SDCCAG8: variants seen among roughly 807,000 people sequenced by gnomAD.
SDCCAG8 encodes the protein SHH signaling and ciliogenesis regulator SDCCAG8, also known as serologically defined colon cancer antigen 8.
In SDCCAG8, 74 loss-of-function variants were observed where a neutral mutation model predicts 101.8. The observed-to-expected ratio is 0.73, with a 90% CI of 0.60 to 0.88. The LOEUF (loss-of-function observed/expected upper bound fraction) is 0.88, where lower values mean the gene tolerates loss of function less well. Among genes scored for constraint, SDCCAG8 ranks in the 40% least tolerant of loss-of-function variants. SDCCAG8 has a pLI of 0.00. For synonymous variants in SDCCAG8, 281 were observed against 292.9 expected, an observed-to-expected ratio of 0.96 and a Z score of 0.41; for missense variants, 787 against 822.6, an observed-to-expected ratio of 0.96 and a Z score of 0.53.
In SDCCAG8 at chr1:243,458,804, G is replaced by GC. The variant is rs1658387015; in HGVS notation, c.1986-30210_1986-30209insC. On this transcript the variant is annotated intron_variant, in intron 16 of 17. Coordinates refer to ENST00000366541, the MANE Select transcript of SDCCAG8 (RefSeq NM_006642.5). This position sits in a 1 kb window ranked among gnomAD's most constrained non-coding sequence, Gnocchi z 4.5. ...TATGGCATTGTTTTATATTCCCATT[G>GC]TCAGTGATCTCTAAACGGCATTCCT... 1.3e-5 allele frequency among the ~76,000 whole-genome samples: 2 copies of GC among 152,186 alleles called. No homozygotes were observed. The highest frequency in any genetic ancestry group is 1.3e-4 in the Admixed American group (2 of 15,284).
intron 8 of SDCCAG8, among the ~76,000 whole-genome samples, chr1:243,312,136 A>C (rs963482325): frequency 6.6e-6 from 1 of 152,198 alleles, no homozygotes. Flanking sequence ...AACTTAACTA[A>C]TGCAGAGTGC....
chr1:243,398,096 T>A (rs2079138484), intron 13 of SDCCAG8, among the ~76,000 whole-genome samples: 1 of 152,134 alleles, frequency 6.6e-6, no homozygotes, highest in Non-Finnish European at 1.5e-5. Context: ...GTTTTAAAGA[T>A]CTCGTAAATA....
intron 9 of SDCCAG8, among the ~76,000 whole-genome samples, chr1:243,317,513 GT>G (rs943481534): frequency 2.6e-5 from 4 of 152,042 alleles, no homozygotes; most frequent in South Asian, 4.1e-4. Flanking sequence ...CAGAGATGGT[GT>G]TTCACCATGT....
chr1:243,382,804 C>T lies in SDCCAG8; in HGVS notation c.1616+3941C>T, dbSNP rs548528686. 2.9e-4 allele frequency among the ~76,000 whole-genome samples: 44 copies of T among 152,162 alleles called. No individual in the cohort carries two copies. The South Asian group carries it at 8.5e-3, about 29-fold the overall frequency. ...ATGAAGCCCTTGGCTGTGGCTGTCC[C>T]GTGAAGTGGAAAGGAAGTAGTATCT... On this transcript the variant is annotated intron_variant, in intron 13 of 17. Coordinates refer to ENST00000366541, the MANE Select transcript of SDCCAG8 (RefSeq NM_006642.5).
chr1:243,417,464 C>G (rs576239823), intron 14 of SDCCAG8, among the ~76,000 whole-genome samples: 1 of 152,024 alleles, frequency 6.6e-6, no homozygotes, highest in Non-Finnish European at 1.5e-5. Flanking sequence ...ACATTTTTAC[C>G]TTCATAATTA....
intron 12 of SDCCAG8, among the ~76,000 whole-genome samples, chr1:243,351,161 G>A (rs1573495326): frequency 6.6e-6 from 1 of 152,200 alleles, no homozygotes; most frequent in African/African-American, 2.4e-5. Context: ...ATGACTGGGA[G>A]AGGGGCCATT....
At chr1:243,389,594 T>A (rs891814449) in intron 13 of SDCCAG8, among the ~76,000 whole-genome samples, 11 of 152,230 alleles carry the variant, frequency 7.2e-5, no homozygotes, top group African/African-American at 2.4e-4. Flanking sequence ...GAGTATCTTT[T>A]AAATTTTTTT....
chr1:243,343,998 A>G lies in SDCCAG8; in HGVS notation c.1357-217A>G, dbSNP rs78474160. ...ACTTAAATTCCTTAGTTATGCATTT[A>G]TTTATCTGTAATTTCAAGTTGTTAG... On this transcript the variant is annotated intron_variant, in intron 11 of 17. Transcript: ENST00000366541. 8.4e-4 allele frequency among the ~76,000 whole-genome samples: 128 copies of G among 152,306 alleles called. 2 individuals are homozygous for G. In the East Asian group the frequency reaches 0.023, roughly 27 times the overall value.
chr1:243,309,864 TG>T (rs2072540688), intron 8 of SDCCAG8, among the ~76,000 whole-genome samples: 1 of 139,888 alleles, frequency 7.1e-6, no homozygotes, highest in Non-Finnish European at 1.6e-5. Context: ...TATGTTTGTT[TG>T]TTTTGTTTTT....
chr1:243,394,985 C>CT (rs1340104037), intron 13 of SDCCAG8, among the ~76,000 whole-genome samples: 2 of 152,148 alleles, frequency 1.3e-5, no homozygotes, highest in Non-Finnish European at 2.9e-5. Context: ...ACGGTGTTCT[C>CT]TGAGTTCCTG....
intron 16 of SDCCAG8, among the ~76,000 whole-genome samples, chr1:243,484,330 G>A (rs962344330): frequency 6.6e-5 from 10 of 152,236 alleles, no homozygotes; most frequent in Non-Finnish European, 1.5e-5. Context: ...AAGTGGGAAG[G>A]CCCCGCCCCT....
intron 16 of SDCCAG8, among the ~76,000 whole-genome samples, chr1:243,463,586 C>T (rs1232857041): frequency 6.6e-6 from 1 of 152,190 alleles, no homozygotes; most frequent in African/African-American, 2.4e-5. Context: ...CCTAATATAG[C>T]ACAGTCCACT....
At chr1:243,304,954 T>C in intron 7 of SDCCAG8, 177 bp downstream of exon 7, 1 of 584,466 alleles carries the variant, frequency 1.7e-6, no homozygotes, top group East Asian at 3.0e-5. Flanking sequence ...ATTGAGTTCT[T>C]TTCCAAATCA....
intron 7 of SDCCAG8, chr1:243,307,399 T>C: frequency 1.0e-6 from 1 of 984,238 alleles, no homozygotes; most frequent in Non-Finnish European, 1.2e-6. Flanking sequence ...TACTTTCTTT[T>C]GAAACAGATC....
intron 9 of SDCCAG8, among the ~76,000 whole-genome samples, chr1:243,327,353 A>G (rs1245299934): frequency 6.8e-6 from 1 of 146,310 alleles, no homozygotes; most frequent in Non-Finnish European, 1.5e-5. Context: ...AGAAATTAAA[A>G]TTATAATTAT....
At chr1:243,349,120 C>T (rs2075936976) in intron 12 of SDCCAG8, among the ~76,000 whole-genome samples, 1 of 152,120 alleles carries the variant, frequency 6.6e-6, no homozygotes. Flanking sequence ...ACATGTGTGA[C>T]TGCACTGATC....
intron 8 of SDCCAG8, among the ~76,000 whole-genome samples, chr1:243,311,202 T>C (rs2072686496): frequency 6.6e-6 from 1 of 152,228 alleles, no homozygotes; most frequent in Non-Finnish European, 1.5e-5. Flanking sequence ...ATGGTTTAGA[T>C]AAACTATGTC....
At chr1:243,494,222 T>C (rs1359587220) in intron 17 of SDCCAG8, among the ~76,000 whole-genome samples, 1 of 152,216 alleles carries the variant, frequency 6.6e-6, no homozygotes, top group African/African-American at 2.4e-5. Flanking sequence ...AAATTGTTGT[T>C]TTTTTGTTTT....
At chr1:243,376,444 C>T (rs1241845650) in intron 12 of SDCCAG8, among the ~76,000 whole-genome samples, 1 of 152,122 alleles carries the variant, frequency 6.6e-6, no homozygotes, top group African/African-American at 2.4e-5. Flanking sequence ...TGTGTTTGGA[C>T]TGTTTTGGCA....
Sources: allele counts gnomAD v4.1 joint callset (sites outside exome capture counted in the v4.1 genomes callset), GRCh38; gene constraint gnomAD v4.1.1; non-coding constraint Gnocchi (gnomAD v3.1); transcripts MANE v1.5; gene names NCBI Gene and HGNC (gene_info 2026-07-23, HGNC 2026-07-21).